MAPK6: variants seen among roughly 807,000 people sequenced by gnomAD.
MAPK6 encodes mitogen-activated protein kinase 6.
A neutral mutation model predicts 59.3 loss-of-function variants in MAPK6; 19 were observed. The ratio of observed to expected loss-of-function variants is 0.32; its 90% CI spans 0.22 to 0.47. The LOEUF is 0.47. MAPK6 is among the 20% of genes least tolerant of loss of function. The pLI is 1.00. For synonymous variants in MAPK6, 316 were observed against 290.3 expected (o/e 1.09, Z -0.90); for missense variants, 724 against 847.9 (o/e 0.85, Z 1.81).
chr15:52,043,626 A>G (rs1314177171), intron 1 of MAPK6, among the ~76,000 whole-genome samples: 3 of 150,206 alleles, frequency 2.0e-5, no homozygotes, highest in Non-Finnish European at 3.0e-5. Context: ...ACTTATTTCC[A>G]CTATCACATG....
chr15:52,031,673 T>G (rs1447804413), intron 1 of MAPK6, among the ~76,000 whole-genome samples: 2 of 152,064 alleles, frequency 1.3e-5, no homozygotes, highest in African/African-American at 4.8e-5. Context: ...TCTACCAAGA[T>G]AATAAAAAAT....
intron 1 of MAPK6, among the ~76,000 whole-genome samples, chr15:52,039,295 A>C (rs1172964150): frequency 2.0e-5 from 3 of 152,146 alleles, no homozygotes; most frequent in African/African-American, 7.2e-5. Flanking sequence ...AACTAGACTT[A>C]CTAGTTGTAA....
chr15:51,998,090 C>T (rs1327028760), intron 2 of MAPK6, among the ~76,000 whole-genome samples: 1 of 151,820 alleles, frequency 6.6e-6, no homozygotes, highest in Non-Finnish European at 1.5e-5. Flanking sequence ...ACTACGGGCA[C>T]ATGCCACCAC....
intron 3 of MAPK6, among the ~76,000 whole-genome samples, chr15:52,010,808 C>T (rs577046508): frequency 4.6e-5 from 7 of 152,184 alleles, no homozygotes; most frequent in Non-Finnish European, 8.8e-5. Context: ...CGTGAGCCAC[C>T]GCGCCTGGCG....
intron 1 of MAPK6, among the ~76,000 whole-genome samples, chr15:52,029,834 A>G (rs2030960966): frequency 6.6e-6 from 1 of 152,192 alleles, no homozygotes; most frequent in African/African-American, 2.4e-5. Flanking sequence ...GGCTTACTGA[A>G]ATAGCTCTTA....
In MAPK6 at chr15:52,064,450, C is replaced by G. The variant is rs866931478; in HGVS notation, c.1616C>G (p.Ser539Cys). ...SFIAGTIQLSSQHEPTDVVDK... is the reference protein window; with the variant it reads ...SFIAGTIQLSCQHEPTDVVDK... ...ATTGCAGGAACTATTCAGCTTAGTT[C>G]CCAGCATGAGCCTACTGATGTTGTT... Residue 539 changes from serine (S) to cysteine (C), a missense_variant, in exon 6 of 6, where the codon TCC becomes TGC. This residue lies in a region of MAPK6 where 502 missense variants were observed against 507.6 expected (regional missense o/e 0.99). Coordinates refer to ENST00000261845, the MANE Select transcript of MAPK6 (RefSeq NM_002748.4). 1.2e-6 allele frequency: 2 copies of G among 1,610,844 alleles called. No homozygotes were observed. The highest frequency in any genetic ancestry group is 2.2e-5 in the South Asian group (2 of 90,772).
intron 3 of MAPK6, among the ~76,000 whole-genome samples, chr15:52,055,511 GTTTT>G (rs527798591): frequency 3.9e-5 from 6 of 151,960 alleles, no homozygotes; most frequent in Non-Finnish European, 7.4e-5. Context: ...TATACAAAGG[GTTTT>G]TTTGTTTGTT....
chr15:52,017,317 T>C (rs2030300331), upstream of MAPK6: 1 of 151,878 alleles, frequency 6.6e-6, no homozygotes, highest in African/African-American at 2.4e-5. Context: ...GGGCAGGGGG[T>C]GGATCTCACA....
At chr15:52,049,113 AAT>A (rs2031693469) in intron 2 of MAPK6, among the ~76,000 whole-genome samples, 1 of 152,194 alleles carries the variant, frequency 6.6e-6, no homozygotes, top group Admixed American at 6.5e-5. Flanking sequence ...GAAATAAGGC[AAT>A]ATATGTGTAA....
Position 52,014,081 on chromosome 15 carries a change from T to C in MAPK6, c.-632+9679T>C, listed in dbSNP as rs538937746. On this transcript the variant is annotated intron_variant, in intron 3 of 7. Coordinates refer to the MAPK6 transcript ENST00000691380. ...TCTTTCATCTGGGATTTTTTTTTTT[T>C]TTCCAGATACTACCCGATGGAATCA... 3.3e-5 allele frequency among the ~76,000 whole-genome samples: 5 copies of C among 152,242 alleles called. No homozygotes were observed. The South Asian group carries it at 1.0e-3, about 32-fold the overall frequency.
chr15:52,060,719 G>A lies in MAPK6; in HGVS notation c.866-580G>A, dbSNP rs902061499. Among the ~76,000 whole-genome samples, 3 of 152,152 alleles carry A rather than the reference G, an allele frequency of 2.0e-5. No individual in the cohort carries two copies. In the South Asian group the frequency reaches 6.2e-4, roughly 32 times the overall value. On this transcript the variant is annotated intron_variant, in intron 4 of 5. Transcript: ENST00000261845. ...TTAACCAGAGTCCTAAGATGTGCAAGGTCAGTGTGTGAACTATGCTGGAGT... is the reference window on the plus strand; with the variant it reads ...TTAACCAGAGTCCTAAGATGTGCAAAGTCAGTGTGTGAACTATGCTGGAGT...
intron 2 of MAPK6, among the ~76,000 whole-genome samples, chr15:51,999,201 T>C (rs1174863970): frequency 6.6e-6 from 1 of 150,448 alleles, no homozygotes; most frequent in East Asian, 2.0e-4. Context: ...TTTCACCATG[T>C]TGGCCGGGCT....
At chr15:52,021,300 A>G (rs1416934518) in intron 1 of MAPK6, among the ~76,000 whole-genome samples, 1 of 151,294 alleles carries the variant, frequency 6.6e-6, no homozygotes, top group Admixed American at 6.6e-5. Context: ...GGAAGCTTAC[A>G]AGTGCTGCTG....
chr15:52,051,485 G>A (rs2031778488), intron 3 of MAPK6, among the ~76,000 whole-genome samples: 2 of 152,190 alleles, frequency 1.3e-5, no homozygotes, highest in Admixed American at 1.3e-4. Context: ...GGTGAAGAAA[G>A]GACAGCGTGC....
intron 1 of MAPK6, among the ~76,000 whole-genome samples, chr15:52,027,365 A>AAAAAAAAAT (rs1209714501): frequency 1.3e-5 from 2 of 149,728 alleles, no homozygotes; most frequent in Non-Finnish European, 3.0e-5. Context: ...AAAAAAAAAA[A>AAAAAAAAAT]AAAGAAAATG....
chr15:52,066,209 A>G lies in MAPK6; in HGVS notation c.*1209A>G, dbSNP rs2032418032. ...TTTTATTTTATTGAATACTGTCTGT[A>G]TCTTTGGTTATCCTGTTTGAAGAAA... On this transcript the variant is annotated 3_prime_UTR_variant, in exon 6 of 6. Transcript: ENST00000261845. 3 of 152,398 alleles carry G rather than the reference A, an allele frequency of 2.0e-5. No individual in the cohort carries two copies. The highest frequency in any genetic ancestry group is 2.0e-4 in the Admixed American group (3 of 15,262). The allele number at this position is 152,398 out of a possible 1,614,324, so 9.4% of individuals were successfully genotyped here.
intron 1 of MAPK6, among the ~76,000 whole-genome samples, chr15:52,041,761 G>T (rs570235890): frequency 6.6e-6 from 1 of 152,256 alleles, no homozygotes; most frequent in Non-Finnish European, 1.5e-5. Flanking sequence ...AGCATGAGAG[G>T]CCTCTGCCTT....
At chr15:51,993,102 G>C (rs2057214870) in intron 2 of MAPK6, among the ~76,000 whole-genome samples, 1 of 152,074 alleles carries the variant, frequency 6.6e-6, no homozygotes, top group Non-Finnish European at 1.5e-5. Context: ...TGGTTCCCCT[G>C]GCAACCAGCT....
At chr15:51,979,971 G>C (rs1178912713) in intron 1 of MAPK6, among the ~76,000 whole-genome samples, 2 of 151,576 alleles carry the variant, frequency 1.3e-5, no homozygotes, top group African/African-American at 4.8e-5. Flanking sequence ...TTTGAATTTT[G>C]TACCAAATGA....
Sources: gnomAD v4.1 joint callset for allele counts (sites outside exome capture counted in the v4.1 genomes callset) on GRCh38, gnomAD v4.1.1 for gene constraint, gnomAD v4.1.1 regional missense constraint, MANE v1.5 for transcripts, NCBI Gene and HGNC (gene_info 2026-07-23, HGNC 2026-07-21) for gene names.